The following SIPA1L2 variants were observed in gnomAD, a reference collection of about 807,000 sequenced individuals.
The protein encoded by SIPA1L2 is signal-induced proliferation-associated 1-like protein 2.
In SIPA1L2, 56 loss-of-function variants were observed where a neutral mutation model predicts 163.9. The ratio of observed to expected loss-of-function variants is 0.34; its 90% confidence interval spans 0.28 to 0.43. The LOEUF (loss-of-function observed/expected upper bound fraction) is 0.43. Among genes scored for constraint, SIPA1L2 ranks in the 20% least tolerant of loss-of-function variants. The pLI is 1.00. For synonymous variants in SIPA1L2, 877 were observed against 865.7 expected (o/e 1.01, Z -0.23); for missense variants, 1,974 against 2,193.5 (o/e 0.90, Z 2.00).
At chr1:232,438,997 AC>A (rs1309402147) in intron 15 of SIPA1L2, 110 bp downstream of exon 15, 22 of 1,154,738 alleles carry the variant, frequency 1.9e-5, no homozygotes, top group Non-Finnish European at 2.4e-5. Flanking sequence ...GAAAAATTAC[AC>A]CAACCTACCT....
intron 22 of SIPA1L2, among the ~76,000 whole-genome samples, chr1:232,400,822 A>G (rs1178226546): frequency 6.6e-6 from 1 of 151,746 alleles, no homozygotes; most frequent in Non-Finnish European, 1.5e-5. Context: ...CCCCACTCCC[A>G]TGACCACATC....
chr1:232,399,394 G>T, intron 22 of SIPA1L2, 121 bp from the exon 23 acceptor site: 1 of 1,114,736 alleles, frequency 9.0e-7, no homozygotes, highest in Non-Finnish European at 1.2e-6. Context: ...GGGGAGAAGG[G>T]GTGACTTTCT....
At chr1:232,616,683 G>T (rs1347245785) in intron 1 of SIPA1L2, among the ~76,000 whole-genome samples, 1 of 152,194 alleles carries the variant, frequency 6.6e-6, no homozygotes, top group Non-Finnish European at 1.5e-5. Flanking sequence ...ATTTTGTAGT[G>T]TCTCTTAGAG....
At chr1:232,621,758 G>T (rs1462080036) in intron 1 of SIPA1L2, among the ~76,000 whole-genome samples, 3 of 150,750 alleles carry the variant, frequency 2.0e-5, no homozygotes, top group Non-Finnish European at 4.4e-5. Flanking sequence ...TTGTGACAGG[G>T]TCTCACTCTG....
chr1:232,514,787 C>A lies in SIPA1L2; in HGVS notation c.553G>T (p.Gly185Trp), dbSNP rs571522347. The change falls in exon 3 of 23, where the codon GGG (glycine) becomes TGG (tryptophan). Residue 185 changes from glycine to tryptophan, a missense_variant. Gly to Trp is a radical substitution (Grantham distance 184). Transcript: ENST00000674635. ...LDQNAVNPNT[G>W]AALHREYGST... ...CCATACTCCCTGTGCAGGGCAGCCC[C>A]GGTGTTGGGGTTGACTGCATTTTGG... The A allele has an allele frequency of 6.2e-7, 1 of 1,614,206 alleles. No individual in the cohort carries two copies. The highest frequency in any genetic ancestry group is 1.3e-5 in the African/African-American group (1 of 75,054).
chr1:232,423,709 T>A (rs1170554225), intron 18 of SIPA1L2, among the ~76,000 whole-genome samples: 2 of 152,204 alleles, frequency 1.3e-5, no homozygotes, highest in African/African-American at 2.4e-5. Flanking sequence ...GTTTCCTAAT[T>A]GTGCCTTTGA....
Position 232,491,023 on chromosome 1 carries a change from G to A in SIPA1L2, c.1657C>T (p.Pro553Ser). 1 of 1,613,898 alleles carries A rather than the reference G, an allele frequency of 6.2e-7. No homozygotes were observed. Among genetic ancestry groups the A allele is most frequent in the Non-Finnish European group, 8.5e-7 (1 of 1,179,926 alleles). ...GCGGTACCATGCCTAGCAGTAGAGG[G>A]TATAGCATCTTCTAAAATTGCTCCT... is the stretch of plus-strand genomic sequence containing the variant. ...LRGAILEDAI[P>S]STARHGTARG... The change falls in exon 5 of 23, where the codon CCC becomes TCC. Residue 553 changes from proline to serine, a missense_variant. Transcript: ENST00000674635.
chr1:232,425,513 A>C, intron 18 of SIPA1L2, 76 bp downstream of exon 18: 4 of 1,154,986 alleles, frequency 3.5e-6, no homozygotes, highest in Non-Finnish European at 3.6e-6. Context: ...CTCCACCCTC[A>C]GAGCTCAATG....
intron 2 of SIPA1L2, among the ~76,000 whole-genome samples, chr1:232,536,586 CAGCCTACACCATCAT>C (rs1657319859): frequency 6.6e-6 from 1 of 152,070 alleles, no homozygotes; most frequent in Non-Finnish European, 1.5e-5. Flanking sequence ...AAATGAAAGC[CAGCCTACACCATCAT>C]TAAAAATCTG....
intron 1 of SIPA1L2, among the ~76,000 whole-genome samples, chr1:232,575,643 A>C (rs1025134106): frequency 1.3e-5 from 2 of 152,196 alleles, no homozygotes; most frequent in Non-Finnish European, 2.9e-5. Flanking sequence ...ACACAGCATT[A>C]CCATATAACC....
chr1:232,458,103 C>T (rs970585684), intron 10 of SIPA1L2, among the ~76,000 whole-genome samples: 2 of 151,968 alleles, frequency 1.3e-5, no homozygotes, highest in Non-Finnish European at 2.9e-5. Context: ...TGCTACTAGG[C>T]AAATAGCTAA....
intron 22 of SIPA1L2, among the ~76,000 whole-genome samples, chr1:232,402,007 C>G (rs1305596383): frequency 3.9e-5 from 6 of 152,192 alleles, no homozygotes; most frequent in African/African-American, 1.4e-4. Context: ...TGATTCAAGA[C>G]AGAGGACAGG....
upstream of SIPA1L2, among the ~76,000 whole-genome samples, chr1:232,630,466 G>T (rs1157627803): frequency 3.9e-5 from 6 of 152,200 alleles, no homozygotes; most frequent in African/African-American, 1.4e-4. Flanking sequence ...CGCCGTCCTT[G>T]TCGAGACTCG....
chr1:232,578,139 A>C (rs1221284398), intron 1 of SIPA1L2, among the ~76,000 whole-genome samples: 1 of 152,212 alleles, frequency 6.6e-6, no homozygotes, highest in African/African-American at 2.4e-5. Context: ...GGCTCAGATA[A>C]TCATTTGCAT....
intron 1 of SIPA1L2, among the ~76,000 whole-genome samples, chr1:232,597,523 CAAAA>C: frequency 7.9e-6 from 1 of 126,786 alleles, no homozygotes. Context: ...TAAAAAATAC[CAAAA>C]AAAAAAAAAA....
chr1:232,525,843 G>A (rs902398779), intron 2 of SIPA1L2, among the ~76,000 whole-genome samples: 23 of 152,132 alleles, frequency 1.5e-4, no homozygotes, highest in African/African-American at 4.8e-4. Flanking sequence ...CAAACTATGA[G>A]TCTAATCACC....
chr1:232,452,433 C>T (rs925620863), intron 10 of SIPA1L2, among the ~76,000 whole-genome samples: 6 of 152,286 alleles, frequency 3.9e-5, no homozygotes, highest in Non-Finnish European at 5.9e-5. Context: ...ACAGACACCA[C>T]GGTCACTGCC....
intron 1 of SIPA1L2, among the ~76,000 whole-genome samples, chr1:232,621,223 T>G (rs1395453823): frequency 6.6e-6 from 1 of 152,172 alleles, no homozygotes; most frequent in East Asian, 1.9e-4. Context: ...AACAGACAAT[T>G]CACTGGCTGA....
chr1:232,523,709 A>G (rs1023567526), intron 2 of SIPA1L2, among the ~76,000 whole-genome samples: 1 of 152,168 alleles, frequency 6.6e-6, no homozygotes, highest in Non-Finnish European at 1.5e-5. Flanking sequence ...GTTCTCACTA[A>G]TATTATTTTC....
Sources: allele counts gnomAD v4.1 joint callset (sites outside exome capture counted in the v4.1 genomes callset), GRCh38; gene constraint gnomAD v4.1.1; transcripts MANE v1.5; gene names NCBI Gene and HGNC (gene_info 2026-07-23, HGNC 2026-07-21).